DAAM2: variants seen among roughly 807,000 people sequenced by gnomAD.
DAAM2 encodes the protein dishevelled associated activator of morphogenesis 2, also known as disheveled-associated activator of morphogenesis 2.
A neutral mutation model predicts 120.7 loss-of-function variants in DAAM2; 39 were observed. The observed-to-expected ratio is 0.32, with a 90% CI of 0.25 to 0.42. The LOEUF is 0.42. Among genes scored for constraint, DAAM2 ranks in the 10% least tolerant of loss-of-function variants. DAAM2 has a pLI of 1.00. For synonymous variants in DAAM2, 488 were observed against 524.9 expected (o/e 0.93, Z 0.96); for missense variants, 1,283 against 1,401.7 (o/e 0.92, Z 1.35).
chr6:39,900,645 TG>T (rs1766421882), intron 23 of DAAM2, among the ~76,000 whole-genome samples: 1 of 152,188 alleles, frequency 6.6e-6, no homozygotes, highest in African/African-American at 2.4e-5. Context: ...ACCTCATGTA[TG>T]GGGGTCTTAT....
At position 39,856,894 on chromosome 6, in the gene DAAM2, G is replaced by A. The variant is rs79676034; in HGVS notation, c.168+424G>A. 9.2e-3 allele frequency among the ~76,000 whole-genome samples: 1,399 copies of A among 152,284 alleles called. 18 individuals carry two copies. Among genetic ancestry groups the A allele is most frequent in the African/African-American group, 0.031 (1,308 of 41,552 alleles). On this transcript the variant is annotated intron_variant, in intron 2 of 24. Transcript: ENST00000274867. ...AGAAGGGACAGAGTGGGATTCTGTG[G>A]GCAGACACTGGGCACCTCGGAACAG...
At chr6:39,834,740 T>A (rs1180682357) in intron 1 of DAAM2, among the ~76,000 whole-genome samples, 1 of 152,194 alleles carries the variant, frequency 6.6e-6, no homozygotes, top group Non-Finnish European at 1.5e-5. Flanking sequence ...CCAGCCATAA[T>A]CACACCACAT....
At position 39,804,875 on chromosome 6, in the gene DAAM2, G is replaced by A. The variant is rs374088483; in HGVS notation, c.-57+12410G>A. Among the ~76,000 whole-genome samples, 11 of 152,174 alleles carry A rather than the reference G, an allele frequency of 7.2e-5. No individual in the cohort carries two copies. In the East Asian group the frequency reaches 1.2e-3, roughly 16 times the overall value. ...TGGTCACTCAACAAACATCTGGGAA[G>A]CTGCCTGGTATGAGACACTGTGTGC... On this transcript the variant is annotated intron_variant, in intron 1 of 24. Coordinates refer to ENST00000274867, the MANE Select transcript of DAAM2 (RefSeq NM_001201427.2).
In DAAM2 at chr6:39,867,843, G is replaced by A; in HGVS notation, c.762G>A (p.Gln254=). 1 of 1,573,944 alleles carries A rather than the reference G, an allele frequency of 6.4e-7. No individual in the cohort carries two copies. Among genetic ancestry groups the A allele is most frequent in the Non-Finnish European group, 8.6e-7 (1 of 1,161,220 alleles). Reference sequence around the variant, plus strand: ...ATGCAGCAGAGCGAACCCGCTTCCAGGTGAGGGGCCAGGCTGGAGGTGGGA... The same window carrying A: ...ATGCAGCAGAGCGAACCCGCTTCCAAGTGAGGGGCCAGGCTGGAGGTGGGA... ...QVYAAERTRF[Q]TLLNELDRSL... The change falls in exon 6 of 25, where the codon CAG becomes CAA. Residue 254 remains glutamine, a splice_region_variant and synonymous_variant. Coordinates refer to ENST00000274867, the MANE Select transcript of DAAM2 (RefSeq NM_001201427.2).
rs1011334317 is a variant in DAAM2, at chr6:39,841,784, T to A, written c.-56-14463T>A. 1.3e-5 allele frequency among the ~76,000 whole-genome samples: 2 copies of A among 152,238 alleles called. 1 individual carries two copies. The highest frequency in any genetic ancestry group is 2.9e-5 in the Non-Finnish European group (2 of 68,000). On this transcript the variant is annotated intron_variant, in intron 1 of 24. Transcript: ENST00000274867. ...TCCATTCAAGGACTGTTCTCAGGGC[T>A]TGAGGATTGGCCTGTGTTCTCAGAG...
rs1233687611 is a variant in DAAM2 at position 39,901,345 on chromosome 6, T to C, written c.2855T>C (p.Met952Thr). The change falls in exon 24 of 25, where the codon ATG (methionine) becomes ACG (threonine). Residue 952 changes from methionine (M) to threonine (T), a missense_variant. Coordinates refer to ENST00000274867, the MANE Select transcript of DAAM2 (RefSeq NM_001201427.2). The surrounding 1 kb of genome is among the most constrained non-coding windows in gnomAD (Gnocchi z 4.5). ...LMHFGEHDSK[M>T]QPDEFFGIFD... ...CACTTCGGGGAGCATGACAGCAAGATGCAGCCAGACGAATTCTTTGGCATC... is the reference window on the plus strand; with the variant it reads ...CACTTCGGGGAGCATGACAGCAAGACGCAGCCAGACGAATTCTTTGGCATC... 1 of 1,613,978 alleles carries C rather than the reference T, an allele frequency of 6.2e-7. No homozygotes were observed. Among genetic ancestry groups the C allele is most frequent in the East Asian group, 2.2e-5 (1 of 44,874 alleles).
In DAAM2 at chr6:39,897,179, ATC is replaced by A; in HGVS notation, c.2521_2522del (p.Leu841AlafsTer14). The A allele has an allele frequency of 6.2e-7, 1 of 1,612,336 alleles. No individual in the cohort carries two copies. Among genetic ancestry groups the A allele is most frequent in the Non-Finnish European group, 8.5e-7 (1 of 1,178,450 alleles). On this transcript the variant is annotated frameshift_variant, in exon 21 of 25. Transcript: ENST00000274867. LOFTEE classifies it high-confidence loss of function. Reference protein sequence around the residue: ...ADTKSSIDRNISLLHYLIMIL... With the variant: ...ADTKSSIDRNXSLLHYLIMIL... Reference sequence around the variant, plus strand: ...TGACCTGACTTTCATCCACAGAAACATCTCTCTGCTCCATTACCTGATCATGA... The same window carrying A: ...TGACCTGACTTTCATCCACAGAAACATCTCTGCTCCATTACCTGATCATGA...
intron 16 of DAAM2, chr6:39,887,846 C>A: frequency 2.2e-6 from 1 of 457,120 alleles, no homozygotes; most frequent in Non-Finnish European, 4.0e-6. Flanking sequence ...CCACGGAGGG[C>A]CTCGCTTGGC....
intron 1 of DAAM2, chr6:39,819,565 C>G (rs1359426672): frequency 1.3e-5 from 2 of 152,048 alleles, no homozygotes; most frequent in African/African-American, 2.4e-5. Context: ...GTGCTAGGTG[C>G]TAGGGACAGA....
intron 14 of DAAM2, 107 bp from the exon 15 acceptor site, chr6:39,883,855 C>A: frequency 2.8e-6 from 2 of 711,812 alleles, no homozygotes; most frequent in South Asian, 3.4e-5. Context: ...AAATCCTGGT[C>A]ATCTTAGTAT....
rs1765430351 is a variant in DAAM2, at chr6:39,887,245, A to C, written c.1954-241A>C. ...AAAAAAAATCTCTAAAAAAATAAAA[A>C]AAATAGGAAGGGGGGCTTCTCGGTG... On this transcript the variant is annotated intron_variant, in intron 15 of 24. Coordinates refer to ENST00000274867, the MANE Select transcript of DAAM2 (RefSeq NM_001201427.2). 2.7e-5 allele frequency: 12 copies of C among 438,326 alleles called. 1 individual carries two copies. The South Asian group carries it at 3.6e-4, about 13-fold the overall frequency. 27.2% of individuals were successfully genotyped at this position (438,326 alleles called of 1,614,324 possible). A position where few individuals can be genotyped will look rare whatever the true frequency, so the allele number is the denominator to read the frequency against.
At chr6:39,797,701 C>G (rs305850) in intron 1 of DAAM2, among the ~76,000 whole-genome samples, 19,787 of 152,156 alleles carry the variant, frequency 0.13, 1,383 homozygotes, top group Non-Finnish European at 0.15. Flanking sequence ...TGAAAAGCAC[C>G]AAAGTTAGGA....
intron 2 of DAAM2, among the ~76,000 whole-genome samples, chr6:39,858,336 C>T (rs1764086575): frequency 6.6e-6 from 1 of 152,148 alleles, no homozygotes; most frequent in Non-Finnish European, 1.5e-5. Flanking sequence ...CCTCCTAATC[C>T]TACAGGTTAG....
At chr6:39,860,665 T>C (rs1582689012) in intron 2 of DAAM2, among the ~76,000 whole-genome samples, 1 of 151,426 alleles carries the variant, frequency 6.6e-6, no homozygotes, top group African/African-American at 2.4e-5. Context: ...AGCAGGAGGG[T>C]GGATTTGCAG....
chr6:39,815,022 G>T (rs1434163609), intron 1 of DAAM2, among the ~76,000 whole-genome samples: 5 of 152,342 alleles, frequency 3.3e-5, no homozygotes, highest in East Asian at 1.9e-4. Context: ...AGAGGGCAGT[G>T]GTTCTCAAAT....
At chr6:39,801,174 T>C (rs1046824646) in intron 1 of DAAM2, among the ~76,000 whole-genome samples, 1 of 152,152 alleles carries the variant, frequency 6.6e-6, no homozygotes, top group Admixed American at 6.5e-5. Context: ...TTAGAGGAGT[T>C]CATTATTTTC....
rs533527149 is a variant in DAAM2 at position 39,875,375 on chromosome 6, G to A, written c.1208G>A (p.Arg403His). 45 of 1,613,870 alleles carry A rather than the reference G, an allele frequency of 2.8e-5. No individual in the cohort carries two copies. In the South Asian group the frequency reaches 3.4e-4, roughly 12 times the overall value. The stretch of plus-strand genomic sequence containing the variant: ...TTCCAGCAGTGGCAGCTCCTGGACC[G>A]CATCCTCCAGCAGATTGTCCTCCAG... ...GYFQQWQLLDRILQQIVLQDE... is the reference protein window; with the variant it reads ...GYFQQWQLLDHILQQIVLQDE... The change falls in exon 11 of 25, where the codon CGC becomes CAC. Residue 403 changes from arginine (R) to histidine (H), a missense_variant. Coordinates refer to ENST00000274867, the MANE Select transcript of DAAM2 (RefSeq NM_001201427.2).
intron 1 of DAAM2, among the ~76,000 whole-genome samples, chr6:39,842,199 C>T (rs1326361841): frequency 1.3e-5 from 2 of 152,212 alleles, no homozygotes; most frequent in Non-Finnish European, 2.9e-5. Context: ...CTCTGCCTCT[C>T]CCCACACGCT....
Position 39,891,398 on chromosome 6 carries a change from G to A in DAAM2, c.2203G>A (p.Glu735Lys), listed in dbSNP as rs1309933460. The A allele has an allele frequency of 6.2e-7, 1 of 1,611,606 alleles. No individual in the cohort carries two copies. The highest frequency in any genetic ancestry group is 8.5e-7 in the Non-Finnish European group (1 of 1,178,884). Residue 735 changes from glutamate to lysine, a missense_variant, in exon 18 of 25, where the codon GAA (glutamate) becomes AAA (lysine). Transcript: ENST00000274867. ...DIDLLEEHKHEIERMARADRF... is the reference protein window; with the variant it reads ...DIDLLEEHKHKIERMARADRF... The stretch of plus-strand genomic sequence containing the variant: ...TGACCTCCTGGAGGAGCACAAGCAT[G>A]AAATTGAGCGGATGGCCCGTGCTGA...
Sources: gnomAD v4.1 joint callset for allele counts (sites outside exome capture counted in the v4.1 genomes callset) on GRCh38, gnomAD v4.1.1 for gene constraint, Gnocchi (gnomAD v3.1) non-coding constraint, MANE v1.5 for transcripts, NCBI Gene and HGNC (gene_info 2026-07-23, HGNC 2026-07-21) for gene names.